The following CYYR1 variants were observed in gnomAD, a reference collection of about 807,000 sequenced individuals.
CYYR1 encodes cysteine and tyrosine-rich protein 1.
A neutral mutation model predicts 15.2 loss-of-function variants in CYYR1; 14 were observed. The ratio of observed to expected loss-of-function variants is 0.92; its 90% CI spans 0.61 to 1.44. The LOEUF is 1.44. CYYR1 is among the 40% of genes most tolerant of loss of function. The pLI is 0.00. For synonymous variants in CYYR1, 80 were observed against 77.4 expected, an observed-to-expected ratio of 1.03 and a Z score of -0.18; for missense variants, 228 against 209.5, an observed-to-expected ratio of 1.09 and a Z score of -0.54.
intron 2 of CYYR1, among the ~76,000 whole-genome samples, chr21:26,540,723 A>G (rs996902220): frequency 5.9e-5 from 9 of 152,164 alleles, no homozygotes; most frequent in Non-Finnish European, 1.3e-4. Flanking sequence ...CAGTCTCTAC[A>G]GTGTATTCTT....
chr21:26,473,425 C>T (rs1028386210), intron 3 of CYYR1, among the ~76,000 whole-genome samples: 2 of 152,188 alleles, frequency 1.3e-5, no homozygotes, highest in South Asian at 4.1e-4. Context: ...TATTGTTCCC[C>T]TTCCACTCAG....
chr21:26,533,024 C>CAA (rs147050850), intron 2 of CYYR1, among the ~76,000 whole-genome samples: 7,594 of 151,614 alleles, frequency 0.05, 222 homozygotes, highest in South Asian at 0.064. Flanking sequence ...TTCCAAAATC[C>CAA]AAAAAATTCT....
chr21:26,541,128 C>A (rs1486266633), intron 2 of CYYR1, among the ~76,000 whole-genome samples: 6 of 152,076 alleles, frequency 3.9e-5, no homozygotes, highest in African/African-American at 1.4e-4. Flanking sequence ...AAATTAGAAT[C>A]TCAGTGATTG....
intron 2 of CYYR1, among the ~76,000 whole-genome samples, chr21:26,514,894 C>T (rs904465886): frequency 2.6e-5 from 4 of 152,208 alleles, no homozygotes; most frequent in Non-Finnish European, 5.9e-5. Flanking sequence ...CAAACCAATT[C>T]CTTCACATGT....
intron 3 of CYYR1, chr21:26,478,063 G>A (rs1170322796): frequency 3.9e-6 from 6 of 1,549,150 alleles, no homozygotes; most frequent in Non-Finnish European, 4.4e-6. Flanking sequence ...TATGTACCAG[G>A]CCTGGTCTTA....
chr21:26,536,544 G>T (rs1316070944), intron 2 of CYYR1, among the ~76,000 whole-genome samples: 1 of 152,124 alleles, frequency 6.6e-6, no homozygotes, highest in Non-Finnish European at 1.5e-5. Context: ...TCTTCAGAGG[G>T]TTTCGTTTCA....
At chr21:26,545,140 T>C (rs1295108487) in intron 2 of CYYR1, among the ~76,000 whole-genome samples, 1 of 152,116 alleles carries the variant, frequency 6.6e-6, no homozygotes, top group East Asian at 1.9e-4. Flanking sequence ...ATATTACTTT[T>C]TTATTGAAAT....
intron 2 of CYYR1, among the ~76,000 whole-genome samples, chr21:26,505,567 C>T (rs1487102873): frequency 3.3e-5 from 5 of 152,170 alleles, no homozygotes; most frequent in African/African-American, 1.2e-4. Flanking sequence ...AGTGTGTGTA[C>T]ATAACCAGAG....
intron 2 of CYYR1, among the ~76,000 whole-genome samples, chr21:26,492,419 C>A (rs1048466337): frequency 3.9e-5 from 6 of 152,218 alleles, no homozygotes; most frequent in African/African-American, 1.4e-4. Flanking sequence ...AATAGAGGTG[C>A]TCAGTTTAGT....
At chr21:26,495,579 G>T (rs545257094) in intron 2 of CYYR1, among the ~76,000 whole-genome samples, 2 of 152,242 alleles carry the variant, frequency 1.3e-5, no homozygotes, top group East Asian at 3.9e-4. Context: ...TTCACCCCTT[G>T]TGCTCCTGGA....
chr21:26,495,140 T>G (rs925471624), intron 2 of CYYR1, among the ~76,000 whole-genome samples: 4 of 152,228 alleles, frequency 2.6e-5, no homozygotes, highest in Admixed American at 6.5e-5. Flanking sequence ...ACATAACTTA[T>G]GTTGCCTATG....
chr21:26,483,393 T>A (rs1330597688), intron 2 of CYYR1: 2 of 896,576 alleles, frequency 2.2e-6, no homozygotes, highest in African/African-American at 4.0e-5. Flanking sequence ...TGTCTGGTGA[T>A]CCTTGAATTC....
At chr21:26,560,759 T>C (rs1980139911) in intron 2 of CYYR1, among the ~76,000 whole-genome samples, 1 of 152,080 alleles carries the variant, frequency 6.6e-6, no homozygotes, top group Non-Finnish European at 1.5e-5. Context: ...CCCACTGCAT[T>C]TTGTGCTTCC....
chr21:26,504,721 C>A (rs1158180505), intron 2 of CYYR1, among the ~76,000 whole-genome samples: 9 of 152,084 alleles, frequency 5.9e-5, no homozygotes, highest in Admixed American at 5.9e-4. Flanking sequence ...ACTATAGTCA[C>A]CGTATTGTGC....
chr21:26,527,856 C>T (rs1224834925), intron 2 of CYYR1, among the ~76,000 whole-genome samples: 3 of 151,876 alleles, frequency 2.0e-5, no homozygotes, highest in Admixed American at 6.6e-5. Flanking sequence ...TAATATTCTG[C>T]GAAGTCAGGG....
At chr21:26,568,760 C>G (rs1980815514) in intron 1 of CYYR1, 1 of 151,990 alleles carries the variant, frequency 6.6e-6, no homozygotes. Flanking sequence ...ATTGAACAAA[C>G]AAAAACCAAA....
intron 3 of CYYR1, 124 bp downstream of exon 3, chr21:26,480,148 A>T: frequency 1.0e-6 from 1 of 958,918 alleles, no homozygotes; most frequent in Non-Finnish European, 1.5e-6. Flanking sequence ...ATCTACATGT[A>T]CCTAGAAATA....
At chr21:26,492,031 T>G (rs191296597) in intron 2 of CYYR1, among the ~76,000 whole-genome samples, 89 of 152,336 alleles carry the variant, frequency 5.8e-4, no homozygotes, top group African/African-American at 1.9e-3. Flanking sequence ...AATGTCTTGC[T>G]CACAACCTTA....
chr21:26,531,673 G>A (rs2065932142), intron 2 of CYYR1, among the ~76,000 whole-genome samples: 1 of 152,074 alleles, frequency 6.6e-6, no homozygotes, highest in Non-Finnish European at 1.5e-5. Flanking sequence ...TTGAGTCAAT[G>A]AAACCTCTTT....
Sources: allele counts gnomAD v4.1 joint callset (sites outside exome capture counted in the v4.1 genomes callset), GRCh38; gene constraint gnomAD v4.1.1; transcripts MANE v1.5; gene names NCBI Gene and HGNC (gene_info 2026-07-23, HGNC 2026-07-21).